The following AAK1 variants were observed in gnomAD, a reference collection of about 807,000 sequenced individuals.
AAK1 encodes AP2-associated protein kinase 1.
AAK1 carries 37 observed loss-of-function variants against 116.0 expected under a neutral mutation model. That is an observed-to-expected ratio of 0.32 (90% confidence interval 0.25 to 0.42). AAK1 has a LOEUF of 0.42. Among genes scored for constraint, AAK1 ranks in the 10% least tolerant of loss-of-function variants. The pLI, the probability that AAK1 is intolerant of heterozygous loss-of-function variation, is 1.00. For missense variants in AAK1, 919 were observed against 1,170.6 expected, an observed-to-expected ratio of 0.79 and a Z score of 3.14; for synonymous variants, 458 against 439.9, an observed-to-expected ratio of 1.04 and a Z score of -0.51.
chr2:69,536,619 A>C (rs1455054647), intron 5 of AAK1, among the ~76,000 whole-genome samples: 1 of 152,126 alleles, frequency 6.6e-6, no homozygotes, highest in Non-Finnish European at 1.5e-5. Context: ...GAACCTTTCC[A>C]TTCTTTGAGA....
In AAK1 at chr2:69,473,672, C is replaced by G; in HGVS notation, c.*2197G>C. On this transcript the variant is annotated 3_prime_UTR_variant, in exon 22 of 22. Coordinates refer to ENST00000409085, the MANE Select transcript of AAK1 (RefSeq NM_014911.5). ...AGAGATACCTAATTTCTAAACTGTACTCTTCATAGTTTCAATTAAATTGAG... is the reference window on the plus strand; with the variant it reads ...AGAGATACCTAATTTCTAAACTGTAGTCTTCATAGTTTCAATTAAATTGAG... 1.0e-6 allele frequency: 1 copy of G among 968,240 alleles called. No individual in the cohort carries two copies. The highest frequency in any genetic ancestry group is 1.2e-6 in the Non-Finnish European group (1 of 814,098). The allele number at this position is 968,240 out of a possible 1,614,324, so 60.0% of individuals were successfully genotyped here. A position where few individuals can be genotyped will look rare whatever the true frequency, so the allele number is the denominator to read the frequency against.
At position 69,544,527 on chromosome 2, in the gene AAK1, G is replaced by A. The variant is rs779251661; in HGVS notation, c.300C>T (p.His100=). ...EIQIMRDLSG[H]KNIVGYIDSS... ...AATCAATGTAACCCACAATATTCTT[G>A]TGCCCTGAAAGATCCCTCTGTGAAC... The change falls in exon 4 of 22, where the codon CAC becomes CAT. Residue 100 remains histidine, a synonymous_variant. Coordinates refer to ENST00000409085, the MANE Select transcript of AAK1 (RefSeq NM_014911.5). 1.2e-6 allele frequency: 2 copies of A among 1,613,464 alleles called. No individual in the cohort carries two copies. The highest frequency in any genetic ancestry group is 2.2e-5 in the South Asian group (2 of 91,060).
At position 69,509,090 on chromosome 2, in the gene AAK1, A is replaced by T; in HGVS notation, c.2006+141T>A. The T allele has an allele frequency of 4.3e-6, 3 of 703,278 alleles. No homozygotes were observed. In the East Asian group the frequency reaches 8.2e-5, roughly 19 times the overall value. The allele number at this position is 703,278 out of a possible 1,614,324, so 43.6% of individuals were successfully genotyped here. ...AATGAGCCAGAAAAATAAACAAACC[A>T]GAAAAATAAACAAACACAAGTACAC... On this transcript the variant is annotated intron_variant, in intron 14 of 21. Transcript: ENST00000409085.
At chr2:69,564,287 G>A (rs1671774693) in intron 2 of AAK1, among the ~76,000 whole-genome samples, 1 of 152,094 alleles carries the variant, frequency 6.6e-6, no homozygotes. Flanking sequence ...TAGGATTACA[G>A]AAGGTACTTC....
chr2:69,637,537 C>T (rs75484896), intron 2 of AAK1, among the ~76,000 whole-genome samples: 1,613 of 152,170 alleles, frequency 0.011, 24 homozygotes, highest in African/African-American at 0.037. Context: ...TAAAATAGAC[C>T]GGAGGCAAGT....
intron 12 of AAK1, chr2:69,517,006 A>G (rs1243661532): frequency 2.0e-5 from 3 of 152,258 alleles, no homozygotes; most frequent in African/African-American, 2.4e-5. Context: ...GTGAATAGCC[A>G]CTGCACTCCA....
rs532692160 is a variant in AAK1, at chr2:69,490,577, A to G, written c.2365+5408T>C. Among the ~76,000 whole-genome samples, 5 of 152,238 alleles carry G rather than the reference A, an allele frequency of 3.3e-5. No homozygotes were observed. The South Asian group carries it at 1.0e-3, about 32-fold the overall frequency. On this transcript the variant is annotated intron_variant, in intron 17 of 21. Coordinates refer to ENST00000409085, the MANE Select transcript of AAK1 (RefSeq NM_014911.5). ...CCAGTCACAAAAGGACAAATACTGT[A>G]TGATTCCACTTACATTCGGTTCCTA...
rs1421293733 is a variant in AAK1, at chr2:69,472,838, C to T, written c.*3031G>A. ...ATTAGAATAGGTAGGTGTGTGTCCA[C>T]GCATGTGTTTCTGTAATACTTAAAA... On this transcript the variant is annotated 3_prime_UTR_variant, in exon 22 of 22. Transcript: ENST00000409085. 6 of 985,580 alleles carry T rather than the reference C, an allele frequency of 6.1e-6. No homozygotes were observed. The highest frequency in any genetic ancestry group is 9.4e-5 in the South Asian group (2 of 21,286). The allele number at this position is 985,580 out of a possible 1,614,324, so 61.1% of individuals were successfully genotyped here. A position where few individuals can be genotyped will look rare whatever the true frequency, so the allele number is the denominator to read the frequency against.
chr2:69,485,507 T>A (rs1675258281), intron 17 of AAK1, among the ~76,000 whole-genome samples: 1 of 151,834 alleles, frequency 6.6e-6, no homozygotes, highest in African/African-American at 2.4e-5. Context: ...TGCACTCAAT[T>A]CTCTCGCAGC....
intron 12 of AAK1, chr2:69,517,169 CAA>C (rs1235663257): frequency 6.6e-6 from 1 of 152,114 alleles, no homozygotes; most frequent in East Asian, 1.9e-4. Context: ...CTTTGGATGA[CAA>C]GAGGGAACAA....
At chr2:69,536,273 G>A (rs1670470232) in intron 5 of AAK1, among the ~76,000 whole-genome samples, 1 of 152,232 alleles carries the variant, frequency 6.6e-6, no homozygotes, top group African/African-American at 2.4e-5. Context: ...AGGGCACTTG[G>A]GCACCATTCA....
chr2:69,572,978 T>C (rs1027371112), intron 2 of AAK1, among the ~76,000 whole-genome samples: 1 of 152,178 alleles, frequency 6.6e-6, no homozygotes, highest in Non-Finnish European at 1.5e-5. Flanking sequence ...CTCAGCCCTC[T>C]TGGACAAAGC....
intron 5 of AAK1, among the ~76,000 whole-genome samples, chr2:69,538,581 T>C (rs1670573631): frequency 6.6e-6 from 1 of 152,152 alleles, no homozygotes; most frequent in African/African-American, 2.4e-5. Context: ...AGTAAGTGTT[T>C]AAAAATCAAT....
chr2:69,481,783 A>C (rs1437047859), intron 18 of AAK1: 2 of 152,126 alleles, frequency 1.3e-5, no homozygotes, highest in Non-Finnish European at 2.9e-5. Context: ...TCAGTTACTG[A>C]TACTTGGTAT....
intron 1 of AAK1, 75 bp downstream of exon 1, chr2:69,643,500 C>T: frequency 8.2e-7 from 1 of 1,221,094 alleles, no homozygotes. Context: ...GCAGCGCCGA[C>T]CCTCCCGGGC....
At chr2:69,539,962 A>C (rs1670635520) in intron 5 of AAK1, among the ~76,000 whole-genome samples, 1 of 152,094 alleles carries the variant, frequency 6.6e-6, no homozygotes, top group Admixed American at 6.6e-5. Flanking sequence ...TTCTGTTTCA[A>C]GTCTAAATAT....
intron 2 of AAK1, among the ~76,000 whole-genome samples, chr2:69,619,680 G>C (rs1016580266): frequency 6.6e-6 from 1 of 152,128 alleles, no homozygotes; most frequent in Non-Finnish European, 1.5e-5. Context: ...GGTCAGGGAA[G>C]GACTCTCTCA....
intron 5 of AAK1, among the ~76,000 whole-genome samples, chr2:69,535,984 G>A (rs919851097): frequency 1.2e-4 from 18 of 152,190 alleles, no homozygotes; most frequent in African/African-American, 2.7e-4. Context: ...ACTGCTCCAC[G>A]CGCTTTTACC....
chr2:69,562,844 C>T (rs894940070), intron 2 of AAK1, among the ~76,000 whole-genome samples: 8 of 152,124 alleles, frequency 5.3e-5, no homozygotes, highest in African/African-American at 7.2e-5. Context: ...GAGCTGAGAT[C>T]GCACCACTGC....
Sources: allele counts gnomAD v4.1 joint callset (sites outside exome capture counted in the v4.1 genomes callset), GRCh38; gene constraint gnomAD v4.1.1; transcripts MANE v1.5; gene names NCBI Gene and HGNC (gene_info 2026-07-23, HGNC 2026-07-21).